The following ANK2 variants were observed in gnomAD, a reference collection of about 807,000 sequenced individuals.
The protein encoded by ANK2 is ankyrin-2.
Under a neutral mutation model 360.5 loss-of-function variants are expected in ANK2, and 83 were observed. The observed-to-expected ratio is 0.23, with a 90% CI of 0.19 to 0.28. The LOEUF (loss-of-function observed/expected upper bound fraction) is 0.28. ANK2 is among the 10% of genes least tolerant of loss of function. ANK2 has a pLI of 1.00. For synonymous variants in ANK2, 1,740 were observed against 1,759.5 expected, an observed-to-expected ratio of 0.99 and a Z score of 0.28; for missense variants, 4,201 against 4,795.7, an observed-to-expected ratio of 0.88 and a Z score of 3.66.
rs745453161 is a variant in ANK2, at chr4:113,258,039, C to T, written c.1189-11C>T. 1.7e-5 allele frequency: 28 copies of T among 1,610,886 alleles called. No homozygotes were observed. The highest frequency in any genetic ancestry group is 2.2e-5 in the Non-Finnish European group (26 of 1,177,044). On this transcript the variant is annotated splice_polypyrimidine_tract_variant and intron_variant, in intron 11 of 45. Transcript: ENST00000357077. ...GCATGTTTTCAACTAACTTGATTGT[C>T]TTTTGCACAGAATGGTTTTACTCCA...
At chr4:113,101,425 G>A (rs2092814327) in intron 1 of ANK2, among the ~76,000 whole-genome samples, 1 of 152,114 alleles carries the variant, frequency 6.6e-6, no homozygotes, top group Non-Finnish European at 1.5e-5. Context: ...TGGATCCCAA[G>A]GGATGTGTCA....
At position 113,174,387 on chromosome 4, in the gene ANK2, T is replaced by C. The variant is rs766679849; in HGVS notation, c.85-29T>C. 1.2e-5 allele frequency: 19 copies of C among 1,546,160 alleles called. No homozygotes were observed. In the South Asian group the frequency reaches 2.1e-4, roughly 17 times the overall value. ...GATACATTTCTATTTCATCAATAGTTCATTAAAGGTCTTTTATTTTTCTCG... is the reference window on the plus strand; with the variant it reads ...GATACATTTCTATTTCATCAATAGTCCATTAAAGGTCTTTTATTTTTCTCG... On this transcript the variant is annotated intron_variant, in intron 1 of 45. Transcript: ENST00000357077.
At chr4:112,916,628 C>A (rs551976382) in intron 2 of ANK2, among the ~76,000 whole-genome samples, 1 of 152,260 alleles carries the variant, frequency 6.6e-6, no homozygotes, top group Non-Finnish European at 1.5e-5. Context: ...ACCTCTTTCT[C>A]CTTAATGGCT....
At chr4:113,295,568 C>T (rs559103177) in intron 22 of ANK2, among the ~76,000 whole-genome samples, 2 of 152,272 alleles carry the variant, frequency 1.3e-5, no homozygotes, top group Non-Finnish European at 1.5e-5. Flanking sequence ...AGAACCCCCT[C>T]TGTGAGCTTT....
chr4:112,801,754 G>A, the ANK2 span, among the ~76,000 whole-genome samples: 1 of 152,216 alleles, frequency 6.6e-6, no homozygotes, highest in Non-Finnish European at 1.5e-5. Flanking sequence ...GAGGGTAAGA[G>A]ATGAAGCAGA....
intron 1 of ANK2, among the ~76,000 whole-genome samples, chr4:113,058,969 T>G (rs144182458): frequency 1.6e-3 from 250 of 152,286 alleles, no homozygotes; most frequent in African/African-American, 5.7e-3. Flanking sequence ...TCAGCTGATT[T>G]GGTGTCTGAT....
chr4:113,334,627 A>T (rs2093197460), intron 29 of ANK2, among the ~76,000 whole-genome samples: 2 of 123,230 alleles, frequency 1.6e-5, no homozygotes, highest in Non-Finnish European at 3.1e-5. Context: ...TTAATAGATT[A>T]ATTAATCTAT....
At chr4:113,228,020 G>T (rs944457843) in intron 4 of ANK2, among the ~76,000 whole-genome samples, 1 of 152,034 alleles carries the variant, frequency 6.6e-6, no homozygotes, top group African/African-American at 2.4e-5. Context: ...ATCATTCTTC[G>T]CATTTGCTCC....
chr4:112,823,682 C>G (rs974533543), intron 1 of ANK2, among the ~76,000 whole-genome samples: 1 of 152,010 alleles, frequency 6.6e-6, no homozygotes, highest in Non-Finnish European at 1.5e-5. Context: ...AGGCAGAAAG[C>G]ACAAGCAAAT....
chr4:113,218,229 A>G (rs1269459739), intron 4 of ANK2, among the ~76,000 whole-genome samples: 1 of 152,254 alleles, frequency 6.6e-6, no homozygotes, highest in African/African-American at 2.4e-5. Context: ...CAAAACTGTT[A>G]ATACCAGACA....
In ANK2 at chr4:113,323,326, C is replaced by CT. The variant is rs544417996; in HGVS notation, c.2900+4711dup. Among the ~76,000 whole-genome samples, 393 of 152,170 alleles carry CT rather than the reference C, an allele frequency of 2.6e-3. 1 individual carries two copies. Among genetic ancestry groups the CT allele is most frequent in the South Asian group, 9.3e-3 (45 of 4,814 alleles). On this transcript the variant is annotated intron_variant, in intron 26 of 45. Coordinates refer to ENST00000357077, the MANE Select transcript of ANK2 (RefSeq NM_001148.6). ...ATCTATACTTTAAATTGTGCCTTTT[C>CT]TTTTTGCATTTCTTCTGTGATAGCC... is the stretch of plus-strand genomic sequence containing the variant.
In ANK2 at chr4:113,278,480, T is replaced by G; in HGVS notation, c.1803T>G (p.His601Gln). ...SAGKNGLTPL[H>Q]VAAHYDNQKV... Reference sequence around the variant, plus strand: ...TACAGAACGGCCTTACCCCGCTCCATGTTGCTGCTCATTATGACAACCAGA... The same window carrying G: ...TACAGAACGGCCTTACCCCGCTCCAGGTTGCTGCTCATTATGACAACCAGA... The change falls in exon 17 of 46, where the codon CAT becomes CAG. Residue 601 changes from histidine to glutamine, a missense_variant. Physicochemically the swap from His to Gln is conservative, Grantham distance 24. Transcript: ENST00000357077. The G allele has an allele frequency of 3.7e-6, 6 of 1,613,996 alleles. No homozygotes were observed. Among genetic ancestry groups the G allele is most frequent in the Non-Finnish European group, 4.2e-6 (5 of 1,179,928 alleles).
At chr4:112,910,398 G>A (rs960556364) in intron 2 of ANK2, among the ~76,000 whole-genome samples, 5 of 152,218 alleles carry the variant, frequency 3.3e-5, no homozygotes, top group Non-Finnish European at 5.9e-5. Flanking sequence ...ACAGGGAATG[G>A]TGAACTCGTT....
intron 9 of ANK2, among the ~76,000 whole-genome samples, chr4:113,248,810 C>T (rs1342787741): frequency 6.6e-6 from 1 of 152,122 alleles, no homozygotes; most frequent in African/African-American, 2.4e-5. Context: ...ATTTATCCAC[C>T]TTCTCCACCT....
At position 113,174,507 on chromosome 4, in the gene ANK2, C is replaced by A; in HGVS notation, c.176C>A (p.Thr59Asn). 1 of 1,610,450 alleles carries A rather than the reference C, an allele frequency of 6.2e-7. No individual in the cohort carries two copies. Among genetic ancestry groups the A allele is most frequent in the South Asian group, 1.1e-5 (1 of 90,564 alleles). The change falls in exon 2 of 46, where the codon ACC becomes AAC. Residue 59 changes from threonine to asparagine, a missense_variant. Around this residue, in one of 4 missense-constraint regions of ANK2, gnomAD observed 169 missense variants for 191.1 expected, o/e 0.88. Transcript: ENST00000357077. Reference sequence around the variant, plus strand: ...CTGAAGGGGGGCATAGACATCAATACCTGCAATCAGGTAAGAACATGGCAG... The same window carrying A: ...CTGAAGGGGGGCATAGACATCAATAACTGCAATCAGGTAAGAACATGGCAG... The part of the protein sequence containing the change: ...EYLKGGIDIN[T>N]CNQNGLNALH...
At chr4:113,268,949 C>T (rs1007769255) in intron 14 of ANK2, among the ~76,000 whole-genome samples, 2 of 152,096 alleles carry the variant, frequency 1.3e-5, no homozygotes, top group Admixed American at 6.5e-5. Flanking sequence ...TTCAGGGATT[C>T]GACTTCTGCC....
At chr4:113,298,275 T>G (rs1243309830) in intron 22 of ANK2, among the ~76,000 whole-genome samples, 1 of 152,210 alleles carries the variant, frequency 6.6e-6, no homozygotes, top group South Asian at 2.1e-4. Context: ...AAAGTTATAT[T>G]AATATGTATG....
intron 2 of ANK2, among the ~76,000 whole-genome samples, chr4:113,007,150 T>G (rs1393394868): frequency 6.6e-6 from 1 of 152,250 alleles, no homozygotes; most frequent in African/African-American, 2.4e-5. Context: ...TGTTATTTAC[T>G]TATTTTAACT....
chr4:112,772,151 T>A, the ANK2 span, among the ~76,000 whole-genome samples: 1 of 152,246 alleles, frequency 6.6e-6, no homozygotes, highest in African/African-American at 2.4e-5. Flanking sequence ...ACTGGGTAAT[T>A]TATAAAGAAA....
Sources: allele counts gnomAD v4.1 joint callset (sites outside exome capture counted in the v4.1 genomes callset), GRCh38; gene constraint gnomAD v4.1.1; regional missense constraint gnomAD v4.1.1; transcripts MANE v1.5; gene names NCBI Gene and HGNC (gene_info 2026-07-23, HGNC 2026-07-21).